The following ARHGAP26 variants were observed in gnomAD, a reference collection of about 807,000 sequenced individuals.
The protein encoded by ARHGAP26 is rho GTPase-activating protein 26.
In ARHGAP26, 38 loss-of-function variants were observed where a neutral mutation model predicts 104.8. The ratio of observed to expected loss-of-function variants is 0.36; its 90% CI spans 0.28 to 0.48. The LOEUF is 0.48. Among genes scored for constraint, ARHGAP26 ranks in the 20% least tolerant of loss-of-function variants. The pLI is 0.99. For missense variants in ARHGAP26, 704 were observed against 947.9 expected (o/e 0.74, Z 3.38); for synonymous variants, 341 against 340.0 (o/e 1.00, Z -0.03).
At chr5:143,186,178 G>C (rs3776233) in intron 20 of ARHGAP26, among the ~76,000 whole-genome samples, 1 of 152,282 alleles carries the variant, frequency 6.6e-6, no homozygotes, top group South Asian at 2.1e-4. Flanking sequence ...TCACCTTGTG[G>C]AATATTATAA....
At chr5:143,189,546 A>T (rs757281198) in intron 20 of ARHGAP26, among the ~76,000 whole-genome samples, 1 of 152,062 alleles carries the variant, frequency 6.6e-6, no homozygotes, top group African/African-American at 2.4e-5. Context: ...TGCTTTACAC[A>T]CTCATAAGTA....
At chr5:142,823,991 G>A (rs1395972652) in intron 1 of ARHGAP26, among the ~76,000 whole-genome samples, 9 of 152,198 alleles carry the variant, frequency 5.9e-5, no homozygotes, top group Non-Finnish European at 1.5e-5. Flanking sequence ...GATGAGTACT[G>A]TAAAAGTTTG....
At chr5:143,061,496 A>G (rs1786705976) in intron 17 of ARHGAP26, among the ~76,000 whole-genome samples, 4 of 152,208 alleles carry the variant, frequency 2.6e-5, no homozygotes, top group Non-Finnish European at 5.9e-5. Context: ...TTTTCCCAAA[A>G]TACTTATTGA....
At chr5:142,783,455 C>T (rs568513474) in intron 1 of ARHGAP26, among the ~76,000 whole-genome samples, 3 of 152,286 alleles carry the variant, frequency 2.0e-5, no homozygotes, top group Admixed American at 1.3e-4. Flanking sequence ...CATTTGGGGT[C>T]AGAGCCTGTA....
At chr5:142,908,004 C>T (rs1047843989) in intron 9 of ARHGAP26, among the ~76,000 whole-genome samples, 200 bp downstream of exon 9, 4 of 152,274 alleles carry the variant, frequency 2.6e-5, no homozygotes, top group African/African-American at 9.6e-5. Flanking sequence ...TTACTCTTAG[C>T]TCTAACTTAC....
chr5:143,172,624 C>T (rs1802937343), intron 20 of ARHGAP26, among the ~76,000 whole-genome samples: 1 of 152,124 alleles, frequency 6.6e-6, no homozygotes, highest in Admixed American at 6.5e-5. Context: ...GGCTGTTACT[C>T]CCATTGGTTT....
rs771835850 is a variant in ARHGAP26, at chr5:143,207,251, C to T, written c.2042C>T (p.Ser681Leu). 1.5e-5 allele frequency: 25 copies of T among 1,614,038 alleles called. No homozygotes were observed. Among genetic ancestry groups the T allele is most frequent in the Admixed American group, 8.3e-5 (5 of 59,988 alleles). Residue 681 changes from serine to leucine, a missense_variant, in exon 21 of 23, where the codon TCG becomes TTG. Around this residue, in one of 6 missense-constraint regions of ARHGAP26, gnomAD observed 217 missense variants for 242.6 expected, o/e 0.89. Transcript: ENST00000645722. ...CTCTCGCCATCTTGGCCCATGTTCTCGGCGCCATCCAGCCCTATGCCCACC... is the reference window on the plus strand; with the variant it reads ...CTCTCGCCATCTTGGCCCATGTTCTTGGCGCCATCCAGCCCTATGCCCACC... ...SPLSPSWPMF[S>L]APSSPMPTSS...
At chr5:143,193,865 A>G (rs1806357019) in intron 20 of ARHGAP26, 3 of 152,368 alleles carry the variant, frequency 2.0e-5, no homozygotes, top group African/African-American at 7.2e-5. Flanking sequence ...ATATATACAT[A>G]TAAAAAACAT....
At chr5:142,922,485 A>T (rs765553795) in intron 10 of ARHGAP26, among the ~76,000 whole-genome samples, 3 of 152,128 alleles carry the variant, frequency 2.0e-5, no homozygotes, top group Non-Finnish European at 4.4e-5. Flanking sequence ...TATTCCTTAA[A>T]GGAAGAAGAG....
intron 14 of ARHGAP26, among the ~76,000 whole-genome samples, chr5:143,051,219 C>G (rs1711672405): frequency 6.6e-6 from 1 of 152,166 alleles, no homozygotes; most frequent in Non-Finnish European, 1.5e-5. Context: ...TTCATTTTGT[C>G]TGCAACACAG....
intron 1 of ARHGAP26, among the ~76,000 whole-genome samples, chr5:142,812,940 T>C (rs1262974830): frequency 7.0e-6 from 1 of 142,758 alleles, no homozygotes; most frequent in East Asian, 2.3e-4. Context: ...TTTTTTTCTT[T>C]CTTTTTTTTT....
At chr5:143,003,833 T>G (rs1777530269) in intron 11 of ARHGAP26, among the ~76,000 whole-genome samples, 1 of 152,116 alleles carries the variant, frequency 6.6e-6, no homozygotes, top group Non-Finnish European at 1.5e-5. Flanking sequence ...AAATGTTGAA[T>G]GATTATCTAA....
chr5:143,001,105 A>G (rs141432758), intron 11 of ARHGAP26, among the ~76,000 whole-genome samples: 3 of 152,304 alleles, frequency 2.0e-5, no homozygotes, highest in Non-Finnish European at 2.9e-5. Context: ...GTCTGTTTGT[A>G]TAGTGATCTA....
chr5:143,000,242 C>G (rs1017542936), intron 11 of ARHGAP26, among the ~76,000 whole-genome samples: 1 of 152,206 alleles, frequency 6.6e-6, no homozygotes, highest in Non-Finnish European at 1.5e-5. Context: ...TAACAAAAAA[C>G]TCTACTGTAG....
chr5:143,113,923 C>T (rs759581936), intron 17 of ARHGAP26, among the ~76,000 whole-genome samples: 3 of 152,104 alleles, frequency 2.0e-5, no homozygotes, highest in Non-Finnish European at 4.4e-5. Context: ...CAGGAGAGAG[C>T]TGGGGTTGGG....
chr5:143,123,747 A>G (rs778489922), intron 18 of ARHGAP26, among the ~76,000 whole-genome samples: 9 of 152,140 alleles, frequency 5.9e-5, no homozygotes, highest in Non-Finnish European at 1.5e-5. Context: ...AGCCCTAGCT[A>G]TGGGAGGCTG....
intron 5 of ARHGAP26, 62 bp from the exon 6 acceptor site, chr5:142,894,176 T>C: frequency 7.1e-7 from 1 of 1,414,768 alleles, no homozygotes. Flanking sequence ...TCTGACCTGC[T>C]TTCGGAATGC....
intron 18 of ARHGAP26, among the ~76,000 whole-genome samples, chr5:143,127,932 C>G (rs1366552130): frequency 6.6e-6 from 1 of 152,210 alleles, no homozygotes; most frequent in African/African-American, 2.4e-5. Flanking sequence ...GCTCAGGAAG[C>G]TAATCTTGTC....
At chr5:142,987,301 G>T (rs1399015683) in intron 11 of ARHGAP26, among the ~76,000 whole-genome samples, 2 of 151,926 alleles carry the variant, frequency 1.3e-5, no homozygotes, top group Admixed American at 6.6e-5. Flanking sequence ...CTGTTTGCCT[G>T]TTATTGGTGT....
Sources: allele counts gnomAD v4.1 joint callset (sites outside exome capture counted in the v4.1 genomes callset), GRCh38; gene constraint gnomAD v4.1.1; regional missense constraint gnomAD v4.1.1; transcripts MANE v1.5; gene names NCBI Gene and HGNC (gene_info 2026-07-23, HGNC 2026-07-21).